Variants in DTWD1 observed in about 807,000 individuals in gnomAD.
The protein encoded by DTWD1 is DTW motif tRNA-uridine aminocarboxypropyltransferase 1.
DTWD1 carries 27 observed loss-of-function variants against 30.2 expected under a neutral mutation model. The observed-to-expected ratio is 0.90, with a 90% CI of 0.66 to 1.23. DTWD1 has a LOEUF of 1.23. Among genes scored for constraint, DTWD1 ranks in the 50% most tolerant of loss-of-function variants. The pLI, the probability that DTWD1 is intolerant of heterozygous loss-of-function variation, is 0.00. For missense variants in DTWD1, 342 were observed against 348.8 expected, an observed-to-expected ratio of 0.98 and a Z score of 0.15; for synonymous variants, 99 against 113.1, an observed-to-expected ratio of 0.88 and a Z score of 0.79.
intron 1 of DTWD1, among the ~76,000 whole-genome samples, chr15:49,621,680 A>G (rs557343130): frequency 6.6e-6 from 1 of 152,324 alleles, no homozygotes; most frequent in African/African-American, 2.4e-5. Context: ...ACAAAGTTGG[A>G]TGGTAAAATC....
Position 49,650,955 on chromosome 15 carries a change from A to T in DTWD1, c.*7377A>T, listed in dbSNP as rs1276311319. On this transcript the variant is annotated 3_prime_UTR_variant, in exon 5 of 5. Coordinates refer to ENST00000403028, the MANE Select transcript of DTWD1 (RefSeq NM_001144955.2). ...CAATGAGAATCCCATCACATGTGGC[A>T]CATGGAACAAAAGCCCATGGCTCAA... 3 of 152,326 alleles carry T rather than the reference A, an allele frequency of 2.0e-5. No individual in the cohort carries two copies. The East Asian group carries it at 5.8e-4, about 29-fold the overall frequency. 9.4% of individuals were successfully genotyped at this position (152,326 alleles called of 1,614,324 possible).
chr15:49,655,214 CT>C lies in DTWD1; in HGVS notation c.*11637del, dbSNP rs2079171391. On this transcript the variant is annotated 3_prime_UTR_variant, in exon 5 of 5. Transcript: ENST00000403028. Reference sequence around the variant, plus strand: ...TCTGCATGCAACCACATAAGTGACCCTGGGTAACACCATCTGGAGCTGAAGA... The same window carrying C: ...TCTGCATGCAACCACATAAGTGACCCGGGTAACACCATCTGGAGCTGAAGA... 3 of 152,076 alleles carry C rather than the reference CT, an allele frequency of 2.0e-5. No individual in the cohort carries two copies. Among genetic ancestry groups the C allele is most frequent in the Non-Finnish European group, 2.9e-5 (2 of 68,000 alleles). 9.4% of individuals were successfully genotyped at this position (152,076 alleles called of 1,614,324 possible). A position where few individuals can be genotyped will look rare whatever the true frequency, so the allele number is the denominator to read the frequency against.
At chr15:49,624,359 C>T (rs1484110981) in intron 1 of DTWD1, among the ~76,000 whole-genome samples, 1 of 152,212 alleles carries the variant, frequency 6.6e-6, no homozygotes, top group Admixed American at 6.5e-5. Flanking sequence ...TGAAAGATAT[C>T]TTCCTTACAG....
chr15:49,642,686 A>G (rs894454840), intron 4 of DTWD1, among the ~76,000 whole-genome samples: 4 of 152,144 alleles, frequency 2.6e-5, no homozygotes, highest in East Asian at 1.9e-4. Context: ...GCAGAGGCCA[A>G]GGCAGGAGGA....
chr15:49,639,066 T>C (rs1177443835), intron 4 of DTWD1, among the ~76,000 whole-genome samples: 2 of 152,150 alleles, frequency 1.3e-5, no homozygotes, highest in Non-Finnish European at 2.9e-5. Context: ...AGTGATAACT[T>C]TATTCATATT....
intron 4 of DTWD1, among the ~76,000 whole-genome samples, chr15:49,637,960 A>G (rs996338708): frequency 6.6e-6 from 1 of 152,208 alleles, no homozygotes; most frequent in Non-Finnish European, 1.5e-5. Flanking sequence ...GAGAGAGTGA[A>G]GGGCAGGTAC....
chr15:49,627,508 A>C (rs999077575), intron 2 of DTWD1, among the ~76,000 whole-genome samples: 14 of 152,194 alleles, frequency 9.2e-5, no homozygotes, highest in African/African-American at 3.4e-4. Flanking sequence ...ATGTGTCCTG[A>C]GAAATGAGTC....
chr15:49,641,545 A>G (rs916928632), intron 4 of DTWD1, among the ~76,000 whole-genome samples: 1 of 152,118 alleles, frequency 6.6e-6, no homozygotes, highest in Admixed American at 6.6e-5. Flanking sequence ...CTGGATTTGC[A>G]TAGATGTTTA....
intron 4 of DTWD1, among the ~76,000 whole-genome samples, chr15:49,642,545 A>G (rs1428535569): frequency 6.6e-6 from 1 of 152,166 alleles, no homozygotes; most frequent in Non-Finnish European, 1.5e-5. Context: ...AATGATAATC[A>G]AGAAGTAAAC....
In DTWD1 at chr15:49,652,602, A is replaced by G. The variant is rs1256282634; in HGVS notation, c.*9024A>G. The G allele has an allele frequency of 7.7e-6, 1 of 130,718 alleles. No homozygotes were observed. The highest frequency in any genetic ancestry group is 1.9e-4 in the East Asian group (1 of 5,180). The allele number at this position is 130,718 out of a possible 1,614,324, so 8.1% of individuals were successfully genotyped here. A position where few individuals can be genotyped will look rare whatever the true frequency, so the allele number is the denominator to read the frequency against. On this transcript the variant is annotated 3_prime_UTR_variant, in exon 5 of 5. Transcript: ENST00000403028. The stretch of plus-strand genomic sequence containing the variant: ...TGGAGGATGAGGGGATGTGACAAGT[A>G]TTGATGGCATTCCCAAGCCCCACTG...
intron 4 of DTWD1, among the ~76,000 whole-genome samples, chr15:49,639,692 T>C (rs1262527237): frequency 6.6e-6 from 1 of 152,230 alleles, no homozygotes; most frequent in Non-Finnish European, 1.5e-5. Flanking sequence ...TGCATACATA[T>C]ATGAGAATGG....
chr15:49,624,505 G>A (rs987303608), intron 1 of DTWD1, among the ~76,000 whole-genome samples: 2 of 152,140 alleles, frequency 1.3e-5, no homozygotes, highest in Non-Finnish European at 1.5e-5. Flanking sequence ...AATTCTTAGA[G>A]TAAGTGGACA....
chr15:49,630,111 T>C (rs2153352054), intron 2 of DTWD1: 1 of 152,302 alleles, frequency 6.6e-6, no homozygotes. Context: ...TATGATTTCA[T>C]TTATATAAAA....
Position 49,625,287 on chromosome 15 carries a change from T to C in DTWD1, c.120T>C (p.Cys40=), listed in dbSNP as rs1293479682. ...CAGAAGATCCCCTTCAAAACTTATGTTTAGCATCTCAAGAAGTTCTTCAAA... is the reference window on the plus strand; with the variant it reads ...CAGAAGATCCCCTTCAAAACTTATGCTTAGCATCTCAAGAAGTTCTTCAAA... ...IASEDPLQNL[C]LASQEVLQKA... is the part of the protein sequence containing the mutation. The change falls in exon 2 of 5, where the codon TGT becomes TGC. Residue 40 remains cysteine (C), a synonymous_variant. Transcript: ENST00000403028. 1 of 1,613,650 alleles carries C rather than the reference T, an allele frequency of 6.2e-7. No individual in the cohort carries two copies. The highest frequency in any genetic ancestry group is 1.1e-5 in the South Asian group (1 of 91,058).
At chr15:49,622,741 C>G (rs145184366) in intron 1 of DTWD1, among the ~76,000 whole-genome samples, 17 of 152,274 alleles carry the variant, frequency 1.1e-4, no homozygotes, top group African/African-American at 3.4e-4. Context: ...ATGCCCTGAT[C>G]ATGTAGTTTC....
rs2079158178 is a variant in DTWD1 at position 49,652,489 on chromosome 15, C to G, written c.*8911C>G. The G allele has an allele frequency of 6.6e-6, 1 of 151,916 alleles. No individual in the cohort carries two copies. Among genetic ancestry groups the G allele is most frequent in the South Asian group, 2.1e-4 (1 of 4,820 alleles). The allele number at this position is 151,916 out of a possible 1,614,324, so 9.4% of individuals were successfully genotyped here. On this transcript the variant is annotated 3_prime_UTR_variant, in exon 5 of 5. Coordinates refer to ENST00000403028, the MANE Select transcript of DTWD1 (RefSeq NM_001144955.2). The stretch of plus-strand genomic sequence containing the variant: ...ATGATGGCCTGGAACTCAGGCCTCT[C>G]AAGGAATGTGGGTCTGAATTATACC...
At chr15:49,637,918 A>G (rs2079021739) in intron 4 of DTWD1, among the ~76,000 whole-genome samples, 1 of 152,176 alleles carries the variant, frequency 6.6e-6, no homozygotes, top group South Asian at 2.1e-4. Context: ...TTGAAAGTCT[A>G]ATTGTGTGCG....
At position 49,653,975 on chromosome 15, in the gene DTWD1, A is replaced by C. The variant is rs372580687; in HGVS notation, c.*10397A>C. 5.5e-4 allele frequency: 84 copies of C among 152,210 alleles called. 4 individuals are homozygous for C. In the East Asian group the frequency reaches 0.012, roughly 21 times the overall value. The allele number at this position is 152,210 out of a possible 1,614,324, so 9.4% of individuals were successfully genotyped here. On this transcript the variant is annotated 3_prime_UTR_variant, in exon 5 of 5. Coordinates refer to ENST00000403028, the MANE Select transcript of DTWD1 (RefSeq NM_001144955.2). ...TTAGGAAACCACTACCAGAGGGATG[A>C]ACTGAACCACAATCAAGGAATAGCC...
In DTWD1 at chr15:49,643,596, A is replaced by G. The variant is rs772114347; in HGVS notation, c.*18A>G. 7 of 1,556,522 alleles carry G rather than the reference A, an allele frequency of 4.5e-6. No homozygotes were observed. In the Admixed American group the frequency reaches 1.3e-4, roughly 29 times the overall value. On this transcript the variant is annotated 3_prime_UTR_variant, in exon 5 of 5. Coordinates refer to ENST00000403028, the MANE Select transcript of DTWD1 (RefSeq NM_001144955.2). The stretch of plus-strand genomic sequence containing the variant: ...CACATTAGTTTTTAACAAGCCACTT[A>G]TGTCTTTTTATTTTGCTAACATTAA...
Sources: allele counts gnomAD v4.1 joint callset (sites outside exome capture counted in the v4.1 genomes callset), GRCh38; gene constraint gnomAD v4.1.1; transcripts MANE v1.5; gene names NCBI Gene and HGNC (gene_info 2026-07-23, HGNC 2026-07-21).